Variants in DRC8 observed in about 807,000 individuals in gnomAD.
DRC8 encodes the protein dynein regulatory complex subunit 8.
chr1:245,014,404 T>G, the DRC8 span, among the ~76,000 whole-genome samples: 1 of 152,176 alleles, frequency 6.6e-6, no homozygotes, highest in Middle Eastern at 3.2e-3. Context: ...TCAGATTCAT[T>G]TGTAATCAAA....
At chr1:245,064,678 A>G in the DRC8 span, among the ~76,000 whole-genome samples, 1 of 152,208 alleles carries the variant, frequency 6.6e-6, no homozygotes, top group Non-Finnish European at 1.5e-5. Flanking sequence ...AGAATTCTAC[A>G]TTCAATGGAT....
the DRC8 span, among the ~76,000 whole-genome samples, chr1:245,099,587 G>C: frequency 6.6e-6 from 1 of 152,212 alleles, no homozygotes; most frequent in African/African-American, 2.4e-5. Context: ...TCAGCTGTTT[G>C]TTCATGCAAA....
the DRC8 span, chr1:245,087,330 T>TG: frequency 6.2e-7 from 1 of 1,602,970 alleles, no homozygotes; most frequent in Non-Finnish European, 8.5e-7. Flanking sequence ...ACAAGGACTA[T>TG]ATAACAATGA....
the DRC8 span, among the ~76,000 whole-genome samples, chr1:244,988,375 GTTATAT>G: frequency 6.6e-6 from 1 of 151,896 alleles, no homozygotes; most frequent in Non-Finnish European, 1.5e-5. Context: ...TACTAATTTA[GTTATAT>G]TTATTTTATA....
At chr1:245,099,135 G>A in the DRC8 span, among the ~76,000 whole-genome samples, 8 of 152,158 alleles carry the variant, frequency 5.3e-5, no homozygotes, top group African/African-American at 1.7e-4. Flanking sequence ...CTAACAATAC[G>A]GACCAAGAAC....
the DRC8 span, among the ~76,000 whole-genome samples, chr1:245,113,626 G>T: frequency 6.6e-6 from 1 of 152,008 alleles, no homozygotes. Context: ...CATACAATAC[G>T]AACATTAACG....
chr1:245,017,167 A>T, the DRC8 span: 14 of 1,369,756 alleles, frequency 1.0e-5, no homozygotes, highest in East Asian at 3.1e-4. Context: ...TAAGATTGCT[A>T]GTCTGGTTAT....
At chr1:245,002,292 C>G in the DRC8 span, 5 of 1,400,462 alleles carry the variant, frequency 3.6e-6, no homozygotes, top group Non-Finnish European at 5.0e-6. Context: ...ATCTCTCTGC[C>G]TCCAGCCTTG....
At chr1:245,083,302 C>A in the DRC8 span, 1 of 727,950 alleles carries the variant, frequency 1.4e-6, no homozygotes, top group Admixed American at 2.4e-5. Flanking sequence ...CCAAACCATC[C>A]CTCCCCTCCC....
the DRC8 span, among the ~76,000 whole-genome samples, chr1:244,973,988 A>G: frequency 2.0e-5 from 3 of 152,224 alleles, no homozygotes; most frequent in Admixed American, 2.0e-4. Flanking sequence ...ATTAAAAATT[A>G]TACAGAATTA....
At chr1:245,049,623 A>C in the DRC8 span, among the ~76,000 whole-genome samples, 1 of 152,176 alleles carries the variant, frequency 6.6e-6, no homozygotes, top group East Asian at 1.9e-4. This position sits in a 1 kb window ranked among gnomAD's most constrained non-coding sequence, Gnocchi z 4.5. Context: ...CAACAACAAC[A>C]ACAACAAAAA....
chr1:245,051,494 A>T, the DRC8 span, among the ~76,000 whole-genome samples: 1 of 151,276 alleles, frequency 6.6e-6, no homozygotes, highest in South Asian at 2.1e-4. Context: ...AGGGAAGTGG[A>T]GATGAGGAGG....
chr1:245,002,191 GA>G, the DRC8 span: 1 of 1,610,590 alleles, frequency 6.2e-7, no homozygotes, highest in African/African-American at 1.3e-5. Context: ...GAAGGTGGAA[GA>G]AGAGACCATC....
the DRC8 span, among the ~76,000 whole-genome samples, chr1:245,000,929 G>A: frequency 1.3e-5 from 2 of 152,040 alleles, no homozygotes; most frequent in Non-Finnish European, 2.9e-5. Flanking sequence ...AGGAAGATTG[G>A]GCTTATGTCA....
chr1:245,046,903 A>G, the DRC8 span, among the ~76,000 whole-genome samples: 5 of 152,296 alleles, frequency 3.3e-5, no homozygotes, highest in African/African-American at 1.2e-4. Context: ...ACTGAAAGGC[A>G]CCTGACTGGT....
the DRC8 span, among the ~76,000 whole-genome samples, chr1:244,983,278 T>C: frequency 3.9e-5 from 6 of 152,342 alleles, 1 homozygote; most frequent in Middle Eastern, 6.8e-3. Context: ...GATTTGTATT[T>C]TGTTTTGTTT....
chr1:245,063,427 C>T, the DRC8 span, among the ~76,000 whole-genome samples: 1 of 152,202 alleles, frequency 6.6e-6, no homozygotes, highest in African/African-American at 2.4e-5. Flanking sequence ...GAGCCAATTC[C>T]TATCTAATTC....
the DRC8 span, among the ~76,000 whole-genome samples, chr1:244,987,256 A>G: frequency 2.0e-5 from 3 of 149,292 alleles, no homozygotes; most frequent in Non-Finnish European, 4.5e-5. Context: ...GCTGGAGTGC[A>G]ATGGCGCGTT....
the DRC8 span, chr1:244,970,267 T>TA: frequency 1.4e-6 from 1 of 709,368 alleles, no homozygotes; most frequent in Non-Finnish European, 2.5e-6. Context: ...CGGAGCCTCC[T>TA]CCCCGCCCCG....
Sources: gnomAD v4.1 joint callset for allele counts (sites outside exome capture counted in the v4.1 genomes callset) on GRCh38, gnomAD v4.1.1 for gene constraint, Gnocchi (gnomAD v3.1) non-coding constraint, MANE v1.5 for transcripts, NCBI Gene and HGNC (gene_info 2026-07-23, HGNC 2026-07-21) for gene names.